The following PIEZO1 variants were observed in gnomAD, a reference collection of about 807,000 sequenced individuals.
The protein encoded by PIEZO1 is piezo type mechanosensitive ion channel component 1 (Er blood group), also known as piezo-type mechanosensitive ion channel component 1.
Under a neutral mutation model 297.2 loss-of-function variants are expected in PIEZO1, and 296 were observed. The ratio of observed to expected loss-of-function variants is 1.00; its 90% CI spans 0.91 to 1.10. The LOEUF is 1.10. Among genes scored for constraint, PIEZO1 ranks in the 50% least tolerant of loss-of-function variants. PIEZO1 has a pLI of 0.00. For synonymous variants in PIEZO1, 2,427 were observed against 1,507.5 expected, an observed-to-expected ratio of 1.61 and a Z score of -14.13; for missense variants, 5,018 against 3,455.5, an observed-to-expected ratio of 1.45 and a Z score of -11.34.
intron 22 of PIEZO1, chr16:88,731,460 T>C: frequency 1.9e-6 from 1 of 536,674 alleles, no homozygotes; most frequent in South Asian, 2.4e-5. Context: ...TTTGAAATAT[T>C]TCAAGATAGA....
Position 88,727,554 on chromosome 16 carries a change from C to G in PIEZO1, c.3301+3G>C. On this transcript the variant is annotated splice_donor_region_variant and intron_variant, in intron 23 of 50. Coordinates refer to ENST00000301015, the MANE Select transcript of PIEZO1 (RefSeq NM_001142864.4). ...AGAGGCGGGGGTGGTGGGGGGCACT[C>G]ACTGATGAGGTTGGTGGAGTTGGGG... is the stretch of plus-strand genomic sequence containing the variant. The G allele has an allele frequency of 2.3e-6, 3 of 1,324,280 alleles. No homozygotes were observed. The highest frequency in any genetic ancestry group is 3.1e-6 in the Non-Finnish European group (3 of 957,518). The allele number at this position is 1,324,280 out of a possible 1,614,324, so 82.0% of individuals were successfully genotyped here. A position where few individuals can be genotyped will look rare whatever the true frequency, so the allele number is the denominator to read the frequency against.
intron 1 of PIEZO1, among the ~76,000 whole-genome samples, chr16:88,761,160 G>A (rs1906915962): frequency 1.3e-5 from 2 of 152,210 alleles, no homozygotes; most frequent in African/African-American, 4.8e-5. Flanking sequence ...AGCCACGTGG[G>A]TGGGACTGGG....
At chr16:88,733,113 G>A in intron 19 of PIEZO1, 165 bp downstream of exon 19, 2 of 655,894 alleles carry the variant, frequency 3.0e-6, no homozygotes, top group African/African-American at 1.8e-5. Context: ...CACAGTTGAG[G>A]TCGAAGGATG....
In PIEZO1 at chr16:88,784,919, G is replaced by T; in HGVS notation, c.46C>A (p.Pro16Thr). The change falls in exon 1 of 51, where the codon CCC (proline) becomes ACC (threonine). Residue 16 changes from proline to threonine, a missense_variant. Pro to Thr is a conservative substitution (Grantham distance 38). Coordinates refer to ENST00000301015, the MANE Select transcript of PIEZO1 (RefSeq NM_001142864.4). ...LGAVLYWLLL[P>T]CALLAACLLR... ...CACTCACCAGCCAGCAGCGCGCAGG[G>T]CAGCAGCAGCCAGTACAGGACCGCG... 7.0e-7 allele frequency: 1 copy of T among 1,436,604 alleles called. No individual in the cohort carries two copies. The highest frequency in any genetic ancestry group is 9.1e-7 in the Non-Finnish European group (1 of 1,092,902). 89.0% of individuals were successfully genotyped at this position (1,436,604 alleles called of 1,614,324 possible). A position where few individuals can be genotyped will look rare whatever the true frequency, so the allele number is the denominator to read the frequency against.
intron 12 of PIEZO1, 102 bp downstream of exon 12, chr16:88,736,046 C>A (rs908051456): frequency 3.0e-5 from 37 of 1,215,734 alleles, no homozygotes; most frequent in Non-Finnish European, 4.2e-5. Flanking sequence ...CATCTGCCTT[C>A]TTGGCGCTGC....
rs1283734570 is a variant in PIEZO1, at chr16:88,721,343, G to T, written c.5491C>A (p.Pro1831Thr). ...GEEEQGAEEG[P>T]GVPAATTEDH... ...TCGGTGGTGGCCGCAGGCACCCCTG[G>T]CCCCTCCTCGGCTCCCTGCTCCTCC... The change falls in exon 39 of 51, where the codon CCA (proline) becomes ACA (threonine). Residue 1831 changes from proline to threonine, a missense_variant. Transcript: ENST00000301015. The T allele has an allele frequency of 2.6e-6, 4 of 1,547,950 alleles. No individual in the cohort carries two copies. Among genetic ancestry groups the T allele is most frequent in the African/African-American group, 2.7e-5 (2 of 72,948 alleles).
intron 21 of PIEZO1, 109 bp from the exon 22 acceptor site, chr16:88,732,019 C>A: frequency 8.0e-5 from 2 of 25,114 alleles, no homozygotes; most frequent in Non-Finnish European, 6.9e-5. Context: ...CTGGAGGCTG[C>A]GGGCATCAAG....
In PIEZO1 at chr16:88,727,164, G is replaced by A. The variant is rs1028227399; in HGVS notation, c.3330C>T (p.Ser1110=). The A allele has an allele frequency of 5.2e-5, 80 of 1,546,802 alleles. No homozygotes were observed. The highest frequency in any genetic ancestry group is 1.7e-4 in the Middle Eastern group (1 of 5,758). ...ISDFLLLLCA[S]QQWQVFSAER... ...CAGCTGAGAACACCTGCCACTGCTG[G>A]GAGGCGCACAGCAGCAGGAGAAAGT... Residue 1110 remains serine (S), a synonymous_variant, in exon 24 of 51, where the codon TCC becomes TCT. Transcript: ENST00000301015.
chr16:88,737,983 T>C lies in PIEZO1; in HGVS notation c.971A>G (p.Tyr324Cys), dbSNP rs1344004008. The change falls in exon 8 of 51, where the codon TAC becomes TGC. Residue 324 changes from tyrosine (Y) to cysteine (C), a missense_variant. Transcript: ENST00000301015. ...GAGCTTGCGCAGAGAGGCCGTGGCGTAGCACAGCAGCAGGAGGACGCCGGG... is the reference window on the plus strand; with the variant it reads ...GAGCTTGCGCAGAGAGGCCGTGGCGCAGCACAGCAGCAGGAGGACGCCGGG... Reference protein sequence around the residue: ...ASPGVLLLLCYATASLRKLRA... With the variant: ...ASPGVLLLLCCATASLRKLRA... The C allele has an allele frequency of 5.9e-6, 9 of 1,534,884 alleles. No homozygotes were observed. The highest frequency in any genetic ancestry group is 7.9e-6 in the Non-Finnish European group (9 of 1,146,378).
rs973203620 is a variant in PIEZO1 at position 88,715,461 on chromosome 16, C to G, written c.*144G>C. 1.1e-5 allele frequency: 11 copies of G among 991,490 alleles called. No individual in the cohort carries two copies. The highest frequency in any genetic ancestry group is 1.6e-5 in the African/African-American group (1 of 62,060). 61.4% of individuals were successfully genotyped at this position (991,490 alleles called of 1,614,324 possible). A position where few individuals can be genotyped will look rare whatever the true frequency, so the allele number is the denominator to read the frequency against. On this transcript the variant is annotated 3_prime_UTR_variant, in exon 51 of 51. Transcript: ENST00000301015. ...CAGTGTCCTTCTCTGACAGCAGCAT[C>G]AGGGCTCAGGCAGGCCGGGAGGATG...
rs1904470143 is a variant in PIEZO1 at position 88,726,744 on chromosome 16, T to C, written c.3670A>G (p.Thr1224Ala). Residue 1224 changes from threonine (T) to alanine (A), a missense_variant, in exon 25 of 51, where the codon ACC (threonine) becomes GCC (alanine). Physicochemically the swap from Thr to Ala is moderately conservative, Grantham distance 58. Coordinates refer to ENST00000301015, the MANE Select transcript of PIEZO1 (RefSeq NM_001142864.4). ...LWDCLILYNV[T>A]VIISKNMLSL... ...AGCATGTTCTTGGAGATGATGACGG[T>C]GACGTTGTACAGAATGAGGCAGTCC... 1 of 1,549,634 alleles carries C rather than the reference T, an allele frequency of 6.5e-7. No homozygotes were observed. Among genetic ancestry groups the C allele is most frequent in the Non-Finnish European group, 8.7e-7 (1 of 1,146,730 alleles).
chr16:88,756,876 A>G (rs1461798516), intron 1 of PIEZO1, among the ~76,000 whole-genome samples: 2 of 152,070 alleles, frequency 1.3e-5, no homozygotes, highest in Non-Finnish European at 2.9e-5. Context: ...GGAGATCGAG[A>G]CCATCCTGGC....
chr16:88,754,232 C>A (rs1906541448), intron 1 of PIEZO1, among the ~76,000 whole-genome samples: 1 of 152,176 alleles, frequency 6.6e-6, no homozygotes, highest in African/African-American at 2.4e-5. Context: ...AGGCTGCCCC[C>A]ACGGTAGCTG....
Position 88,749,355 on chromosome 16 carries a change from A to C in PIEZO1, c.160+29T>G, listed in dbSNP as rs756691068. 30 of 1,391,798 alleles carry C rather than the reference A, an allele frequency of 2.2e-5. No homozygotes were observed. In the South Asian group the frequency reaches 3.6e-4, roughly 17 times the overall value. 86.2% of individuals were successfully genotyped at this position (1,391,798 alleles called of 1,614,324 possible). Reference sequence around the variant, plus strand: ...CGAATGCCCACCCCCTCCCACCCTGAGAGCGTGGGCAGGGTCCCCTGGCCT... The same window carrying C: ...CGAATGCCCACCCCCTCCCACCCTGCGAGCGTGGGCAGGGTCCCCTGGCCT... On this transcript the variant is annotated intron_variant, in intron 2 of 50. Coordinates refer to ENST00000301015, the MANE Select transcript of PIEZO1 (RefSeq NM_001142864.4).
chr16:88,767,211 C>T (rs541449573), intron 1 of PIEZO1, among the ~76,000 whole-genome samples: 26 of 152,344 alleles, frequency 1.7e-4, no homozygotes, highest in African/African-American at 6.3e-4. Flanking sequence ...CTCGGGACAT[C>T]CTTACGGGAA....
At chr16:88,777,882 C>T (rs981321069) in intron 1 of PIEZO1, among the ~76,000 whole-genome samples, 150 of 152,242 alleles carry the variant, frequency 9.9e-4, no homozygotes, top group African/African-American at 3.5e-3. Context: ...TCCTCCCGGG[C>T]AGGTGGCCTC....
chr16:88,725,940 G>A (rs139910977), intron 27 of PIEZO1: 49 of 569,644 alleles, frequency 8.6e-5, no homozygotes, highest in Non-Finnish European at 1.4e-4. Context: ...AGAAGGCAAA[G>A]CTGGCCCCAA....
chr16:88,717,893 G>T, intron 44 of PIEZO1: 1 of 406,692 alleles, frequency 2.5e-6, no homozygotes, highest in Non-Finnish European at 4.8e-6. Context: ...AGCACTTTGA[G>T]GTCAGGAGTT....
At position 88,785,110 on chromosome 16, in the gene PIEZO1, C is replaced by T; in HGVS notation, c.-146G>A. The T allele has an allele frequency of 4.9e-6, 2 of 411,134 alleles. No homozygotes were observed. The highest frequency in any genetic ancestry group is 7.6e-6 in the Non-Finnish European group (2 of 264,800). 25.5% of individuals were successfully genotyped at this position (411,134 alleles called of 1,614,324 possible). ...CTCTTCCTCCTTCTCCTTCGGCCGC[C>T]CCGCCGGTGCCGACGTCCCGGGCCC... On this transcript the variant is annotated 5_prime_UTR_variant, in exon 1 of 51. Transcript: ENST00000301015.
Sources: allele counts gnomAD v4.1 joint callset (sites outside exome capture counted in the v4.1 genomes callset), GRCh38; gene constraint gnomAD v4.1.1; transcripts MANE v1.5; gene names NCBI Gene and HGNC (gene_info 2026-07-23, HGNC 2026-07-21).